Variants in ADAMTSL4 observed in about 807,000 individuals in gnomAD.
ADAMTSL4 encodes ADAMTS like 4.
ADAMTSL4 carries 97 observed loss-of-function variants against 122.8 expected under a neutral mutation model. That is an observed-to-expected ratio of 0.79 (90% CI 0.67 to 0.93). ADAMTSL4 has a LOEUF of 0.93. Ranked by LOEUF, ADAMTSL4 falls within the 40% of genes least tolerant of loss-of-function variation. The pLI is 0.00. For missense variants in ADAMTSL4, 1,408 were observed against 1,453.5 expected, an observed-to-expected ratio of 0.97 and a Z score of 0.51; for synonymous variants, 592 against 568.0, an observed-to-expected ratio of 1.04 and a Z score of -0.60.
At position 150,552,800 on chromosome 1, in the gene ADAMTSL4, T is replaced by A; in HGVS notation, c.79-98T>A. ...TCTGCTGCTGAATGTGACCTTGGAC[T>A]GGTAGCGACTCCGTGAGCCTCAGTG... On this transcript the variant is annotated intron_variant, in intron 4 of 18. Coordinates refer to ENST00000271643, the MANE Select transcript of ADAMTSL4 (RefSeq NM_019032.6). This position sits in a 1 kb window ranked among gnomAD's most constrained non-coding sequence, Gnocchi z 4.0. 1 of 1,370,610 alleles carries A rather than the reference T, an allele frequency of 7.3e-7. No homozygotes were observed. The highest frequency in any genetic ancestry group is 1.7e-5 in the Admixed American group (1 of 59,226). The allele number at this position is 1,370,610 out of a possible 1,614,324, so 84.9% of individuals were successfully genotyped here.
intron 7 of ADAMTSL4, 94 bp from the exon 8 acceptor site, chr1:150,555,335 G>A: frequency 6.6e-7 from 1 of 1,517,228 alleles, no homozygotes; most frequent in African/African-American, 1.4e-5. Context: ...CATCCACAGT[G>A]ACCTGGGCAA....
chr1:150,554,876 C>A lies in ADAMTSL4; in HGVS notation c.1234+409C>A. Reference sequence around the variant, plus strand: ...ATTTTAGGCCTGTGTTAACTTGACACCGGGATAAGCACTCAAGAGCTCTGA... The same window carrying A: ...ATTTTAGGCCTGTGTTAACTTGACAACGGGATAAGCACTCAAGAGCTCTGA... On this transcript the variant is annotated intron_variant, in intron 7 of 18. Coordinates refer to ENST00000271643, the MANE Select transcript of ADAMTSL4 (RefSeq NM_019032.6). This position sits in a 1 kb window ranked among gnomAD's most constrained non-coding sequence, Gnocchi z 4.0. 1 of 570,286 alleles carries A rather than the reference C, an allele frequency of 1.8e-6. No homozygotes were observed. The allele number at this position is 570,286 out of a possible 1,614,324, so 35.3% of individuals were successfully genotyped here.
At chr1:150,555,356 C>T (rs1671914906) in intron 7 of ADAMTSL4, 73 bp from the exon 8 acceptor site, 7 of 1,593,896 alleles carry the variant, frequency 4.4e-6, no homozygotes, top group African/African-American at 1.3e-5. Context: ...CCTCAAGGTG[C>T]CCCCTCTGGG....
At chr1:150,551,937 A>C in intron 2 of ADAMTSL4, 1 of 332,568 alleles carries the variant, frequency 3.0e-6, no homozygotes, top group East Asian at 4.9e-5. Flanking sequence ...CCGGCTTAGA[A>C]ACAGTCCCTA....
Position 150,552,406 on chromosome 1 carries a change from A to G in ADAMTSL4, c.20+98A>G. The G allele has an allele frequency of 2.6e-6, 4 of 1,539,158 alleles. No homozygotes were observed. Among genetic ancestry groups the G allele is most frequent in the South Asian group, 1.2e-5 (1 of 85,752 alleles). On this transcript the variant is annotated intron_variant, in intron 3 of 18. Transcript: ENST00000271643. The surrounding 1 kb of genome is among the most constrained non-coding windows in gnomAD (Gnocchi z 4.0). ...GGGAAAGGGGACCACTGGGAGGGGC[A>G]GGGGAAGTGATGAGTAACTTCTGCT...
chr1:150,555,804 T>TGAACACATGCACACACACGTATGC (rs1672025044), intron 8 of ADAMTSL4: 12 of 636,778 alleles, frequency 1.9e-5, no homozygotes, highest in Non-Finnish European at 2.8e-5. Flanking sequence ...CACACGTGCA[T>TGAACACATGCACACACACGTATGC]GAACACATGC....
In ADAMTSL4 at chr1:150,560,110, C is replaced by A. The variant is rs113799188; in HGVS notation, c.3139C>A (p.Arg1047=). 2.5e-3 allele frequency: 4,037 copies of A among 1,614,084 alleles called. 84 individuals carry two copies. The African/African-American group carries it at 0.046, about 18-fold the overall frequency. ...ACATTGCCCCCTGGTGGTACAGGCC[C>A]GGCTCTGCGTCTACCCCTACTACAC... ...SPHCPLVVQA[R]LCVYPYYTAT... The change falls in exon 19 of 19, where the codon CGG becomes AGG. Residue 1047 remains arginine, a synonymous_variant. Transcript: ENST00000271643.
intron 5 of ADAMTSL4, 34 bp downstream of exon 5, chr1:150,553,287 G>A: frequency 6.2e-7 from 1 of 1,610,202 alleles, no homozygotes; most frequent in Non-Finnish European, 8.5e-7. Context: ...TGGGCCTTGG[G>A]CAAGGTGGGG....
chr1:150,558,381 C>T (rs907330491), intron 14 of ADAMTSL4, 92 bp from the exon 15 acceptor site: 63 of 1,583,840 alleles, frequency 4.0e-5, no homozygotes, highest in Middle Eastern at 2.2e-4. Context: ...GGCTGGGGAT[C>T]GAAGGCAGAG....
Position 150,560,343 on chromosome 1 carries a change from A to G in ADAMTSL4, c.*147A>G, listed in dbSNP as rs1570967856. Reference sequence around the variant, plus strand: ...CAGAGGGTGGCAAGGTGACTGACACAAAGTGACTTTCAGGGCTGTGGTCAG... The same window carrying G: ...CAGAGGGTGGCAAGGTGACTGACACGAAGTGACTTTCAGGGCTGTGGTCAG... On this transcript the variant is annotated 3_prime_UTR_variant, in exon 19 of 19. Transcript: ENST00000271643. 2 of 1,296,030 alleles carry G rather than the reference A, an allele frequency of 1.5e-6. No individual in the cohort carries two copies. Among genetic ancestry groups the G allele is most frequent in the Non-Finnish European group, 2.1e-6 (2 of 947,860 alleles). The allele number at this position is 1,296,030 out of a possible 1,614,324, so 80.3% of individuals were successfully genotyped here.
Position 150,558,631 on chromosome 1 carries a change from C to T in ADAMTSL4, c.2541C>T (p.His847=). ...DMGPCTTAWF[H]SDWSSKCSAE... is the part of the protein sequence containing the mutation. The stretch of plus-strand genomic sequence containing the variant: ...GGCCCTGTACTACTGCCTGGTTCCA[C>T]AGCGACTGGAGCTCCAAGGTGAGCC... Residue 847 remains histidine, a synonymous_variant, in exon 15 of 19, where the codon CAC becomes CAT. Transcript: ENST00000271643. The T allele has an allele frequency of 6.2e-7, 1 of 1,613,848 alleles. No individual in the cohort carries two copies. Among genetic ancestry groups the T allele is most frequent in the Admixed American group, 1.7e-5 (1 of 60,024 alleles).
rs587737939 is a variant in ADAMTSL4 at position 150,559,679 on chromosome 1, T to G, written c.2944-82T>G. ...CTAGGAGGGTCCCCACCACCACCTTTTGGGGAGAGAGGTGGCAGCCAGGGG... is the reference window on the plus strand; with the variant it reads ...CTAGGAGGGTCCCCACCACCACCTTGTGGGGAGAGAGGTGGCAGCCAGGGG... On this transcript the variant is annotated intron_variant, in intron 17 of 18. Coordinates refer to ENST00000271643, the MANE Select transcript of ADAMTSL4 (RefSeq NM_019032.6). This position sits in a 1 kb window ranked among gnomAD's most constrained non-coding sequence, Gnocchi z 4.1. 1.0e-5 allele frequency: 16 copies of G among 1,606,948 alleles called. No individual in the cohort carries two copies. The African/African-American group carries it at 2.1e-4, about 21-fold the overall frequency.
rs773325041 is a variant in ADAMTSL4 at position 150,550,693 on chromosome 1, G to A, written c.-85+798G>A. The A allele has an allele frequency of 1.5e-4, 69 of 454,222 alleles. 1 individual carries two copies. The highest frequency in any genetic ancestry group is 2.1e-4 in the Admixed American group (9 of 42,458). 28.1% of individuals were successfully genotyped at this position (454,222 alleles called of 1,614,324 possible). On this transcript the variant is annotated intron_variant, in intron 2 of 18. Transcript: ENST00000271643. ...TTCTCTGGAGATCCTGGCCTCCCCCGTTCAGTCAGGGTGGAGTTGCTGACC... is the reference window on the plus strand; with the variant it reads ...TTCTCTGGAGATCCTGGCCTCCCCCATTCAGTCAGGGTGGAGTTGCTGACC...
chr1:150,550,868 T>C (rs1232350075), intron 2 of ADAMTSL4: 1 of 456,524 alleles, frequency 2.2e-6, no homozygotes, highest in Admixed American at 2.3e-5. Flanking sequence ...GGGCTGAGTG[T>C]CTGCCCCCAG....
In ADAMTSL4 at chr1:150,554,816, G is replaced by A. The variant is rs9659061; in HGVS notation, c.1234+349G>A. On this transcript the variant is annotated intron_variant, in intron 7 of 18. Coordinates refer to ENST00000271643, the MANE Select transcript of ADAMTSL4 (RefSeq NM_019032.6). The surrounding 1 kb of genome is among the most constrained non-coding windows in gnomAD (Gnocchi z 4.0). ...GGGTGTGCCACGCATCCTGGGCACT[G>A]TCGTATCGGTTGCTCCCAGGTTACC... The A allele has an allele frequency of 0.48, 318,711 of 666,760 alleles. 78,159 individuals are homozygous for A. The highest frequency in any genetic ancestry group is 0.64 in the African/African-American group (35,212 of 54,956). The allele number at this position is 666,760 out of a possible 1,614,324, so 41.3% of individuals were successfully genotyped here. A position where few individuals can be genotyped will look rare whatever the true frequency, so the allele number is the denominator to read the frequency against.
At chr1:150,558,879 G>T in intron 15 of ADAMTSL4, 83 bp from the exon 16 acceptor site, 1 of 1,540,166 alleles carries the variant, frequency 6.5e-7, no homozygotes. Flanking sequence ...TCGGACCCAG[G>T]ATGCGTCCCT....
At chr1:150,558,360 T>C (rs939989192) in intron 14 of ADAMTSL4, 113 bp from the exon 15 acceptor site, 80 of 1,561,782 alleles carry the variant, frequency 5.1e-5, no homozygotes, top group Non-Finnish European at 6.3e-5. Flanking sequence ...CACGAAGCCA[T>C]GTGACTGCTG....
At chr1:150,553,310 G>A in intron 5 of ADAMTSL4, 57 bp downstream of exon 5, 2 of 1,607,808 alleles carry the variant, frequency 1.2e-6, no homozygotes, top group South Asian at 1.1e-5. Context: ...TTAGCATGAA[G>A]GAAAGGGGAG....
At position 150,559,460 on chromosome 1, in the gene ADAMTSL4, G is replaced by T. The variant is rs1433724199; in HGVS notation, c.2937G>T (p.Trp979Cys). 6.2e-7 allele frequency: 1 copy of T among 1,613,140 alleles called. No individual in the cohort carries two copies. Reference protein sequence around the residue: ...ACQDRWFSTPWSPCSRSCQGG... With the variant: ...ACQDRWFSTPCSPCSRSCQGG... ...AGGACCGATGGTTTTCCACGCCCTG[G>T]AGCCCAGTGAGTGTCTGGCTGCGCT... Residue 979 changes from tryptophan (W) to cysteine (C), a missense_variant, in exon 17 of 19, where the codon TGG becomes TGT. Trp to Cys is a radical substitution (Grantham distance 215). Transcript: ENST00000271643. This position sits in a 1 kb window ranked among gnomAD's most constrained non-coding sequence, Gnocchi z 4.1.
Sources: allele counts gnomAD v4.1 joint callset, GRCh38; gene constraint gnomAD v4.1.1; non-coding constraint Gnocchi (gnomAD v3.1); transcripts MANE v1.5; gene names NCBI Gene and HGNC (gene_info 2026-07-23, HGNC 2026-07-21).